Variants in KLF8 observed in about 807,000 individuals in gnomAD.
KLF8 encodes the protein Krueppel-like factor 8.
Under a neutral mutation model 18.2 loss-of-function variants are expected in KLF8, and 10 were observed. The ratio of observed to expected loss-of-function variants is 0.55; its 90% confidence interval spans 0.34 to 0.93. KLF8 has a LOEUF of 0.93. Among genes scored for constraint, KLF8 ranks in the 40% least tolerant of loss-of-function variants. KLF8 has a pLI of 0.02. For missense variants in KLF8, 264 were observed against 277.9 expected, an observed-to-expected ratio of 0.95 and a Z score of 0.36; for synonymous variants, 109 against 97.3, an observed-to-expected ratio of 1.12 and a Z score of -0.71.
At chrX:56,081,381 T>C in the KLF8 span, among the ~76,000 whole-genome samples, 3 of 112,138 alleles carry the variant, frequency 2.7e-5, no homozygotes, top group Non-Finnish European at 5.6e-5. Context: ...TAGTAGCTTT[T>C]ATGTGGATCT....
chrX:55,912,214 T>G, the KLF8 span, among the ~76,000 whole-genome samples: 2 of 111,479 alleles, frequency 1.8e-5, no homozygotes, highest in Admixed American at 1.9e-4. Context: ...ATCAGTACTT[T>G]TTTCATACAC....
chrX:56,131,756 G>T, the KLF8 span, among the ~76,000 whole-genome samples: 1 of 111,107 alleles, frequency 9.0e-6, no homozygotes, highest in Non-Finnish European at 1.9e-5. Flanking sequence ...TAGCACATAA[G>T]GACACACATA....
chrX:56,097,400 G>A, the KLF8 span, among the ~76,000 whole-genome samples: 19 of 101,540 alleles, frequency 1.9e-4, no homozygotes, highest in Non-Finnish European at 3.2e-4. Context: ...CATGACTATA[G>A]CTCACTGCAG....
chrX:56,134,445 G>A, the KLF8 span, among the ~76,000 whole-genome samples: 1 of 111,778 alleles, frequency 8.9e-6, no homozygotes, highest in African/African-American at 3.2e-5. Flanking sequence ...ATGGTGCTGA[G>A]ATAATTGGCA....
the KLF8 span, among the ~76,000 whole-genome samples, chrX:56,184,166 C>A: frequency 3.1e-4 from 35 of 112,330 alleles, no homozygotes; most frequent in Admixed American, 1.9e-3. Context: ...GTCACTCCCA[C>A]CCTAACACTG....
the KLF8 span, among the ~76,000 whole-genome samples, chrX:56,112,098 A>T: frequency 8.9e-6 from 1 of 112,102 alleles, no homozygotes; most frequent in African/African-American, 3.2e-5. Flanking sequence ...CCCATCAATG[A>T]TAGACCGGAT....
the KLF8 span, among the ~76,000 whole-genome samples, chrX:56,138,351 C>T: frequency 2.7e-5 from 3 of 111,041 alleles, no homozygotes; most frequent in African/African-American, 9.8e-5. Flanking sequence ...AAACATGGCA[C>T]AGACAGAACA....
In KLF8 at chrX:56,291,526, C is replaced by T. The variant is rs2067322851; in HGVS notation, c.*7032C>T. 8.9e-6 allele frequency among the ~76,000 whole-genome samples: 1 copy of T among 112,020 alleles called. No homozygotes were observed. The highest frequency in any genetic ancestry group is 1.9e-5 in the Non-Finnish European group (1 of 53,157). ...TTATTAATAAAAAGGTCTTAAACTT[C>T]AGAAATCATGGCCATTTTCTTGACT... On this transcript the variant is annotated 3_prime_UTR_variant, in exon 6 of 6. Transcript: ENST00000468660.
At chrX:56,148,449 A>C in the KLF8 span, among the ~76,000 whole-genome samples, 4 of 111,196 alleles carry the variant, frequency 3.6e-5, no homozygotes, top group Non-Finnish European at 1.9e-5. Context: ...TTTAAAAAAA[A>C]AAATAGAGAA....
chrX:55,982,689 T>A, the KLF8 span, among the ~76,000 whole-genome samples: 1 of 111,894 alleles, frequency 8.9e-6, no homozygotes, highest in Non-Finnish European at 1.9e-5. Context: ...CCATCACATT[T>A]GTAAAATGAG....
the KLF8 span, chrX:55,961,588 G>A: frequency 2.0e-6 from 1 of 492,669 alleles, no homozygotes; most frequent in Admixed American, 2.5e-5. Flanking sequence ...GTTATTCACT[G>A]TGCATACCAT....
chrX:56,227,468 C>T (rs1325889774), upstream of KLF8, among the ~76,000 whole-genome samples: 1 of 110,118 alleles, frequency 9.1e-6, no homozygotes, highest in Non-Finnish European at 1.9e-5. Context: ...CTTTTGCCTC[C>T]TGAGTAGCTG....
chrX:56,049,608 G>C, the KLF8 span, among the ~76,000 whole-genome samples: 2 of 101,845 alleles, frequency 2.0e-5, no homozygotes, highest in African/African-American at 7.3e-5. Context: ...TGCATCCCAG[G>C]GATGAAGCCC....
At chrX:56,226,589 A>G in the KLF8 span, among the ~76,000 whole-genome samples, 2 of 111,920 alleles carry the variant, frequency 1.8e-5, no homozygotes, top group South Asian at 7.4e-4. Flanking sequence ...GGGTGACTAA[A>G]TCTTGCTAGT....
the KLF8 span, among the ~76,000 whole-genome samples, chrX:56,111,739 C>G: frequency 8.9e-6 from 1 of 112,192 alleles, no homozygotes; most frequent in African/African-American, 3.2e-5. Context: ...AAAAGCTCAT[C>G]ATCACTCGCC....
chrX:55,987,535 A>C, the KLF8 span, among the ~76,000 whole-genome samples: 1 of 111,332 alleles, frequency 9.0e-6, no homozygotes, highest in Admixed American at 9.5e-5. Flanking sequence ...TGAACTCATC[A>C]TTTTTTATGG....
intron 3 of KLF8, chrX:56,267,088 T>C (rs892785544): frequency 1.7e-5 from 13 of 752,500 alleles, no homozygotes; most frequent in Non-Finnish European, 2.0e-5. Flanking sequence ...AAGGCAGTGG[T>C]AACATCAAAG....
At chrX:56,190,109 A>G in the KLF8 span, among the ~76,000 whole-genome samples, 1 of 111,461 alleles carries the variant, frequency 9.0e-6, no homozygotes. Context: ...ATAAAGAAAC[A>G]TATACAATAA....
chrX:56,037,693 A>G, the KLF8 span, among the ~76,000 whole-genome samples: 1 of 109,502 alleles, frequency 9.1e-6, no homozygotes, highest in African/African-American at 3.3e-5. Context: ...TTGTGTTTAC[A>G]TAGTAGGTGT....
Sources: gnomAD v4.1 joint callset for allele counts (sites outside exome capture counted in the v4.1 genomes callset) on GRCh38, gnomAD v4.1.1 for gene constraint, MANE v1.5 for transcripts, NCBI Gene and HGNC (gene_info 2026-07-23, HGNC 2026-07-21) for gene names.